The following FBXO34 variants were observed in gnomAD, a reference collection of about 807,000 sequenced individuals.
FBXO34 encodes F-box protein 34.
A neutral mutation model predicts 24.5 loss-of-function variants in FBXO34; 12 were observed. The observed-to-expected ratio is 0.49, with a 90% CI of 0.31 to 0.79. The LOEUF (loss-of-function observed/expected upper bound fraction) is 0.79. Among genes scored for constraint, FBXO34 ranks in the 30% least tolerant of loss-of-function variants. FBXO34 has a pLI of 0.04. For synonymous variants in FBXO34, 320 were observed against 311.9 expected (o/e 1.03, Z -0.27); for missense variants, 823 against 857.7 (o/e 0.96, Z 0.51).
chr14:55,364,727 CTT>C (rs534426436), downstream of FBXO34, among the ~76,000 whole-genome samples: 45 of 130,030 alleles, frequency 3.5e-4, no homozygotes, highest in African/African-American at 4.8e-4. Flanking sequence ...CAGTGCCCAA[CTT>C]TTTTTTTTTT....
the FBXO34 span, among the ~76,000 whole-genome samples, chr14:55,439,617 C>CCCGCCCCCCCG: frequency 1.4e-5 from 1 of 72,628 alleles, no homozygotes; most frequent in Non-Finnish European, 3.0e-5. Flanking sequence ...AAAGCAAACC[C>CCCGCCCCCCCG]CCCCCCGTCT....
downstream of FBXO34, among the ~76,000 whole-genome samples, chr14:55,356,854 T>G (rs1221161728): frequency 6.6e-6 from 1 of 152,196 alleles, no homozygotes; most frequent in Non-Finnish European, 1.5e-5. Context: ...GCTCAAGTGA[T>G]TCTCCTGCCT....
intron 1 of FBXO34, among the ~76,000 whole-genome samples, chr14:55,276,348 G>A (rs989827384): frequency 6.6e-6 from 1 of 152,074 alleles, no homozygotes; most frequent in African/African-American, 2.4e-5. Context: ...TATATTGTTA[G>A]TCATATTTTG....
intron 1 of FBXO34, chr14:55,299,087 C>G (rs948127202): frequency 4.2e-5 from 60 of 1,428,158 alleles, no homozygotes; most frequent in South Asian, 1.1e-4. Context: ...AAAAGTCTGA[C>G]GAGGATGAGC....
intron 1 of FBXO34, among the ~76,000 whole-genome samples, chr14:55,290,105 A>G (rs1057375912): frequency 6.6e-6 from 1 of 151,984 alleles, no homozygotes; most frequent in Non-Finnish European, 1.5e-5. Flanking sequence ...ATTGAGGCAT[A>G]ATTTGGCCGG....
the FBXO34 span, among the ~76,000 whole-genome samples, chr14:55,405,360 G>C: frequency 6.6e-6 from 1 of 152,114 alleles, no homozygotes; most frequent in Non-Finnish European, 1.5e-5. Flanking sequence ...TTCTCAATTT[G>C]TTTAGGGCAT....
chr14:55,284,924 G>C (rs1333716008), intron 1 of FBXO34, among the ~76,000 whole-genome samples: 2 of 149,568 alleles, frequency 1.3e-5, no homozygotes, highest in African/African-American at 4.9e-5. Flanking sequence ...GCCTTACCTT[G>C]GTTCTTACTG....
At chr14:55,325,041 T>C (rs1343654516) in intron 1 of FBXO34, among the ~76,000 whole-genome samples, 1 of 152,152 alleles carries the variant, frequency 6.6e-6, no homozygotes, top group Non-Finnish European at 1.5e-5. Context: ...CCCAGTTGTC[T>C]CCCACAGGCC....
At chr14:55,364,716 A>C (rs180922708), downstream of FBXO34, among the ~76,000 whole-genome samples, 37 of 144,532 alleles carry the variant, frequency 2.6e-4, 1 homozygote, top group East Asian at 7.0e-3. Flanking sequence ...GGTGTGAACC[A>C]CAGTGCCCAA....
At chr14:55,280,327 T>C (rs189529624) in intron 1 of FBXO34, among the ~76,000 whole-genome samples, 5 of 152,236 alleles carry the variant, frequency 3.3e-5, no homozygotes, top group African/African-American at 1.2e-4. Context: ...CAACCTCAGA[T>C]GGAAAATACC....
chr14:55,369,703 G>C, downstream of FBXO34: 1 of 1,608,572 alleles, frequency 6.2e-7, no homozygotes, highest in South Asian at 1.1e-5. Context: ...TGCTGCTCGC[G>C]ATGGGTGGGG....
At chr14:55,370,457 AAT>A (rs1245126044), downstream of FBXO34, among the ~76,000 whole-genome samples, 2 of 152,200 alleles carry the variant, frequency 1.3e-5, no homozygotes, top group Non-Finnish European at 2.9e-5. Flanking sequence ...AACTGTTTAG[AAT>A]ATATTCAGAG....
intron 1 of FBXO34, among the ~76,000 whole-genome samples, chr14:55,290,483 G>T (rs530024704): frequency 6.6e-6 from 1 of 152,252 alleles, no homozygotes; most frequent in South Asian, 2.1e-4. Context: ...GCATGGTTCA[G>T]TGAGGTCATC....
chr14:55,279,407 CTG>C (rs965331910), intron 1 of FBXO34, among the ~76,000 whole-genome samples: 13 of 151,812 alleles, frequency 8.6e-5, no homozygotes, highest in South Asian at 2.1e-4. Context: ...AATAAATAAA[CTG>C]TGATTTCTAC....
the FBXO34 span, among the ~76,000 whole-genome samples, chr14:55,388,994 C>G: frequency 6.6e-6 from 1 of 152,108 alleles, no homozygotes; most frequent in African/African-American, 2.4e-5. Context: ...CACGTTCAAG[C>G]ATGTGATCAT....
intron 1 of FBXO34, among the ~76,000 whole-genome samples, chr14:55,338,154 A>ATTCTCCTG (rs1334279297): frequency 6.7e-6 from 1 of 148,216 alleles, no homozygotes; most frequent in East Asian, 2.0e-4. Flanking sequence ...GATTCAAGCA[A>ATTCTCCTG]TTCTCCTGCC....
the FBXO34 span, among the ~76,000 whole-genome samples, chr14:55,394,556 T>C: frequency 6.6e-6 from 1 of 152,166 alleles, no homozygotes; most frequent in Non-Finnish European, 1.5e-5. Context: ...CACAACTGAA[T>C]AGCATGTACA....
the FBXO34 span, chr14:55,436,563 T>C: frequency 6.2e-7 from 1 of 1,612,512 alleles, no homozygotes; most frequent in Non-Finnish European, 8.5e-7. Context: ...AAACTTACTG[T>C]AGTTGAGGTA....
the FBXO34 span, chr14:55,380,534 G>T: frequency 7.7e-7 from 1 of 1,302,380 alleles, no homozygotes; most frequent in East Asian, 2.3e-5. Flanking sequence ...ACTTGAAAGA[G>T]CCATGATAAA....
Sources: allele counts gnomAD v4.1 joint callset (sites outside exome capture counted in the v4.1 genomes callset), GRCh38; gene constraint gnomAD v4.1.1; transcripts MANE v1.5; gene names NCBI Gene and HGNC (gene_info 2026-07-23, HGNC 2026-07-21).